VAV2: variants seen among roughly 807,000 people sequenced by gnomAD.
The protein encoded by VAV2 is guanine nucleotide exchange factor VAV2.
VAV2 carries 67 observed loss-of-function variants against 132.5 expected under a neutral mutation model. The observed-to-expected ratio is 0.51, with a 90% CI of 0.42 to 0.62. The LOEUF is 0.62. VAV2 is among the 20% of genes least tolerant of loss of function. The pLI is 0.00. For missense variants in VAV2, 938 were observed against 1,153.6 expected (o/e 0.81, Z 2.71); for synonymous variants, 492 against 443.5 (o/e 1.11, Z -1.37).
In VAV2 at chr9:133,961,784, A is replaced by G. The variant is rs12004133; in HGVS notation, c.205-22565T>C. Reference sequence around the variant, plus strand: ...GCTCAGGGAGAAGACCCGGGCTTGCATGATGTACACCAGGGAGCCCACAGG... The same window carrying G: ...GCTCAGGGAGAAGACCCGGGCTTGCGTGATGTACACCAGGGAGCCCACAGG... On this transcript the variant is annotated intron_variant, in intron 1 of 29. Coordinates refer to ENST00000371850, the MANE Select transcript of VAV2 (RefSeq NM_001134398.2). This position sits in a 1 kb window ranked among gnomAD's most constrained non-coding sequence, Gnocchi z 4.1. Among the ~76,000 whole-genome samples the G allele has an allele frequency of 0.27, 41,056 of 152,092 alleles. 5,937 individuals are homozygous for G. Among genetic ancestry groups the G allele is most frequent in the East Asian group, 0.56 (2,889 of 5,146 alleles).
intron 1 of VAV2, among the ~76,000 whole-genome samples, chr9:133,970,832 C>T (rs1458368341): frequency 3.9e-5 from 6 of 152,214 alleles, no homozygotes; most frequent in Admixed American, 1.3e-4. Context: ...TAAATGCAAA[C>T]GGCTTCTGTA....
In VAV2 at chr9:133,929,606, G is replaced by A. The variant is rs539105762; in HGVS notation, c.321+9497C>T. On this transcript the variant is annotated intron_variant, in intron 2 of 29. Coordinates refer to ENST00000371850, the MANE Select transcript of VAV2 (RefSeq NM_001134398.2). ...GGGAGGGGTCTTACTCCAGCAAGGAGGAAGGGCCCCTCTGCCTGCACGCAA... is the reference window on the plus strand; with the variant it reads ...GGGAGGGGTCTTACTCCAGCAAGGAAGAAGGGCCCCTCTGCCTGCACGCAA... 5.3e-5 allele frequency among the ~76,000 whole-genome samples: 8 copies of A among 152,250 alleles called. No homozygotes were observed. The South Asian group carries it at 1.7e-3, about 32-fold the overall frequency.
Position 133,783,523 on chromosome 9 carries a change from A to C in VAV2, c.1703T>G (p.Val568Gly), listed in dbSNP as rs1348306895. The C allele has an allele frequency of 1.2e-6, 2 of 1,613,694 alleles. No homozygotes were observed. The highest frequency in any genetic ancestry group is 2.2e-5 in the East Asian group (1 of 44,884). The change falls in exon 19 of 30, where the codon GTG becomes GGG. Residue 568 changes from valine to glycine, a missense_variant. Val to Gly is a moderately radical substitution (Grantham distance 109). Transcript: ENST00000371850. Reference protein sequence around the residue: ...GVGAHKECLEVIPPCKFTSPA... With the variant: ...GVGAHKECLEGIPPCKFTSPA... ...CTCACTGAACTTGCAGGGAGGTATC[A>C]CTTCCAGGCACTCCTTGTGTGCCCC...
intron 2 of VAV2, among the ~76,000 whole-genome samples, chr9:133,900,590 C>A (rs1190602124): frequency 6.6e-6 from 1 of 151,722 alleles, no homozygotes; most frequent in Admixed American, 6.6e-5. Context: ...AAGGAAGGGG[C>A]GCGGCTCAGA....
rs1178952246 is a variant in VAV2, at chr9:133,918,451, CG to C, written c.321+20651del. On this transcript the variant is annotated intron_variant, in intron 2 of 29. Coordinates refer to ENST00000371850, the MANE Select transcript of VAV2 (RefSeq NM_001134398.2). This position sits in a 1 kb window ranked among gnomAD's most constrained non-coding sequence, Gnocchi z 4.7. ...ACCCAGGCCAGGGGCCCTGGAAAGG[CG>C]GCAGACTCCTTCTCGGTGGCACCCA... 6.6e-6 allele frequency among the ~76,000 whole-genome samples: 1 copy of C among 151,894 alleles called. No individual in the cohort carries two copies. The highest frequency in any genetic ancestry group is 2.4e-5 in the African/African-American group (1 of 41,304).
At position 133,969,182 on chromosome 9, in the gene VAV2, G is replaced by A. The variant is rs1221466655; in HGVS notation, c.204+22893C>T. ...CGCCGGGCCTGCGAGGACGAGAGCT[G>A]GATTCCACCGTGCCCGCCGGGCCTG... On this transcript the variant is annotated intron_variant, in intron 1 of 29. Transcript: ENST00000371850. This position sits in a 1 kb window ranked among gnomAD's most constrained non-coding sequence, Gnocchi z 5.1. Among the ~76,000 whole-genome samples, 1 of 151,544 alleles carries A rather than the reference G, an allele frequency of 6.6e-6. No homozygotes were observed. The highest frequency in any genetic ancestry group is 2.4e-5 in the African/African-American group (1 of 41,194).
Position 133,928,385 on chromosome 9 carries a change from C to T in VAV2, c.321+10718G>A, listed in dbSNP as rs142884023. Reference sequence around the variant, plus strand: ...TTGCCAACAGCCCCTGCGCCGGGCTCTGCCGGGAGCCTGAGGCAGCTCCCC... The same window carrying T: ...TTGCCAACAGCCCCTGCGCCGGGCTTTGCCGGGAGCCTGAGGCAGCTCCCC... On this transcript the variant is annotated intron_variant, in intron 2 of 29. Transcript: ENST00000371850. This position sits in a 1 kb window ranked among gnomAD's most constrained non-coding sequence, Gnocchi z 5.4. Among the ~76,000 whole-genome samples, 482 of 152,328 alleles carry T rather than the reference C, an allele frequency of 3.2e-3. 4 individuals carry two copies. The highest frequency in any genetic ancestry group is 0.011 in the African/African-American group (468 of 41,578).
intron 2 of VAV2, among the ~76,000 whole-genome samples, chr9:133,937,539 A>AGTGT (rs71380264): frequency 9.0e-4 from 134 of 148,748 alleles, no homozygotes; most frequent in African/African-American, 2.1e-3. Context: ...TGTGTGTGAG[A>AGTGT]GTGTGTGTGT....
chr9:133,832,235 G>T (rs926280951), intron 4 of VAV2, among the ~76,000 whole-genome samples: 12 of 152,236 alleles, frequency 7.9e-5, no homozygotes, highest in Non-Finnish European at 5.9e-5. Context: ...TGGGTGCTGA[G>T]GGGGCGCTGG....
intron 2 of VAV2, among the ~76,000 whole-genome samples, chr9:133,868,763 C>T (rs1461860005): frequency 6.6e-6 from 1 of 152,236 alleles, no homozygotes; most frequent in African/African-American, 2.4e-5. Context: ...ACAGCTTCCC[C>T]TGCTACTTGG....
chr9:133,972,122 C>A (rs866925243), intron 1 of VAV2, among the ~76,000 whole-genome samples: 3 of 152,142 alleles, frequency 2.0e-5, no homozygotes, highest in South Asian at 4.1e-4. Context: ...CCCAAAGTCC[C>A]AAGAATTCAT....
rs201903380 is a variant in VAV2, at chr9:133,796,535, G to A, written c.937-11C>T. On this transcript the variant is annotated splice_polypyrimidine_tract_variant and intron_variant, in intron 10 of 29. Coordinates refer to ENST00000371850, the MANE Select transcript of VAV2 (RefSeq NM_001134398.2). Reference sequence around the variant, plus strand: ...CTTCAGTGTGCACTCCTGGGAGGGCGACAGGGCGATGGGAGAGCCCTCCCC... The same window carrying A: ...CTTCAGTGTGCACTCCTGGGAGGGCAACAGGGCGATGGGAGAGCCCTCCCC... 56 of 1,610,428 alleles carry A rather than the reference G, an allele frequency of 3.5e-5. 1 individual carries two copies. The highest frequency in any genetic ancestry group is 2.3e-4 in the South Asian group (21 of 90,544).
Position 133,824,496 on chromosome 9 carries a change from G to A in VAV2, c.449+9776C>T, listed in dbSNP as rs186996286. On this transcript the variant is annotated intron_variant, in intron 4 of 29. Transcript: ENST00000371850. This position sits in a 1 kb window ranked among gnomAD's most constrained non-coding sequence, Gnocchi z 5.2. ...CAAGGTAGTGACTGGCCTGGCACAG[G>A]GGGTAAGAGCAGGTTTCCTAAATCA... 6.6e-6 allele frequency among the ~76,000 whole-genome samples: 1 copy of A among 152,158 alleles called. No individual in the cohort carries two copies. Among genetic ancestry groups the A allele is most frequent in the Admixed American group, 6.5e-5 (1 of 15,282 alleles).
At chr9:133,790,609 C>T (rs188976964) in intron 13 of VAV2, among the ~76,000 whole-genome samples, 28 of 152,368 alleles carry the variant, frequency 1.8e-4, no homozygotes, top group Non-Finnish European at 3.8e-4. Context: ...CACGGCAGCA[C>T]GGACCCGCCA....
intron 2 of VAV2, among the ~76,000 whole-genome samples, chr9:133,914,221 G>T (rs913644190): frequency 6.6e-6 from 1 of 152,092 alleles, no homozygotes; most frequent in Non-Finnish European, 1.5e-5. Flanking sequence ...GCACTCACTG[G>T]GCCAGACACA....
At chr9:133,806,699 AT>A (rs903273712) in intron 8 of VAV2, among the ~76,000 whole-genome samples, 18 of 152,200 alleles carry the variant, frequency 1.2e-4, no homozygotes, top group Non-Finnish European at 2.9e-5. Flanking sequence ...CTTGCAGCTA[AT>A]GAGACGGCCA....
rs116521174 is a variant in VAV2, at chr9:133,949,445, G to A, written c.205-10226C>T. 4.8e-3 allele frequency among the ~76,000 whole-genome samples: 726 copies of A among 152,308 alleles called. 8 individuals are homozygous for A. Among genetic ancestry groups the A allele is most frequent in the African/African-American group, 0.016 (680 of 41,556 alleles). Reference sequence around the variant, plus strand: ...GCACCCGCTAGGGCTCTGAGCCTTTGACTGTGCTGTTCCAGTGGCCTGAAC... The same window carrying A: ...GCACCCGCTAGGGCTCTGAGCCTTTAACTGTGCTGTTCCAGTGGCCTGAAC... On this transcript the variant is annotated intron_variant, in intron 1 of 29. Coordinates refer to ENST00000371850, the MANE Select transcript of VAV2 (RefSeq NM_001134398.2).
intron 1 of VAV2, among the ~76,000 whole-genome samples, chr9:133,950,945 C>G (rs544143596): frequency 6.6e-6 from 1 of 152,166 alleles, no homozygotes; most frequent in Non-Finnish European, 1.5e-5. Flanking sequence ...GCAGAGGGCG[C>G]GATTCTTCCC....
intron 3 of VAV2, among the ~76,000 whole-genome samples, chr9:133,841,994 T>C (rs1386270835): frequency 6.6e-6 from 1 of 152,168 alleles, no homozygotes; most frequent in Non-Finnish European, 1.5e-5. Context: ...GGCCCTGCCA[T>C]GGCTCAGGCA....
Sources: gnomAD v4.1 joint callset for allele counts (sites outside exome capture counted in the v4.1 genomes callset) on GRCh38, gnomAD v4.1.1 for gene constraint, Gnocchi (gnomAD v3.1) non-coding constraint, MANE v1.5 for transcripts, NCBI Gene and HGNC (gene_info 2026-07-23, HGNC 2026-07-21) for gene names.